Variants in MERTK observed in about 807,000 individuals in gnomAD.
The protein encoded by MERTK is tyrosine-protein kinase Mer.
A neutral mutation model predicts 99.3 loss-of-function variants in MERTK; 69 were observed. The observed-to-expected ratio is 0.70, with a 90% CI of 0.57 to 0.85. The LOEUF (loss-of-function observed/expected upper bound fraction) is 0.85. MERTK is among the 40% of genes least tolerant of loss of function. MERTK has a pLI of 0.00. For synonymous variants in MERTK, 426 were observed against 467.6 expected (o/e 0.91, Z 1.15); for missense variants, 1,125 against 1,249.4 (o/e 0.90, Z 1.50).
At chr2:111,901,656 A>G (rs1038603386) in intron 1 of MERTK, among the ~76,000 whole-genome samples, 4 of 150,794 alleles carry the variant, frequency 2.7e-5, no homozygotes, top group Non-Finnish European at 5.9e-5. Context: ...TCCGGGCTCA[A>G]GTGATCCTCC....
intron 1 of MERTK, among the ~76,000 whole-genome samples, chr2:111,914,569 A>C (rs1407090699): frequency 6.6e-6 from 1 of 152,158 alleles, no homozygotes; most frequent in African/African-American, 2.4e-5. Context: ...ATGAGCCACC[A>C]TGTCTGGCTT....
At position 111,925,292 on chromosome 2, in the gene MERTK, A is replaced by ATTTTTTTT. The variant is rs11433691; in HGVS notation, c.62-3809_62-3802dup. ...ACAGATCAGATATATATATATATAT[A>ATTTTTTTT]TTTTTTTTTTTTTTTTTTTTTTTTT... On this transcript the variant is annotated intron_variant, in intron 1 of 18. Transcript: ENST00000295408. Among the ~76,000 whole-genome samples the ATTTTTTTT allele has an allele frequency of 2.0e-3, 48 of 24,500 alleles. 6 individuals carry two copies. Among genetic ancestry groups the ATTTTTTTT allele is most frequent in the Non-Finnish European group, 3.1e-3 (42 of 13,734 alleles). 16.1% of individuals were successfully genotyped at this position (24,500 alleles called of 152,430 possible). A position where few individuals can be genotyped will look rare whatever the true frequency, so the allele number is the denominator to read the frequency against.
At chr2:111,965,100 G>A in intron 4 of MERTK, 91 bp from the exon 5 acceptor site, 1 of 1,270,562 alleles carries the variant, frequency 7.9e-7, no homozygotes, top group Non-Finnish European at 1.1e-6. Flanking sequence ...CATGAACCAA[G>A]AAATAAAATA....
In MERTK at chr2:112,009,948, G is replaced by A; in HGVS notation, c.1961G>A (p.Gly654Asp). The A allele has an allele frequency of 1.2e-6, 2 of 1,600,244 alleles. No individual in the cohort carries two copies. The highest frequency in any genetic ancestry group is 1.7e-4 in the Middle Eastern group (1 of 6,038). The change falls in exon 15 of 19, where the codon GGT (glycine) becomes GAT (aspartate). Residue 654 changes from glycine (G) to aspartate (D), a missense_variant and splice_region_variant. Coordinates refer to ENST00000295408, the MANE Select transcript of MERTK (RefSeq NM_006343.3). The part of the protein sequence containing the change: ...FSHPNVIRLL[G>D]VCIEMSSQGI... The stretch of plus-strand genomic sequence containing the variant: ...ATTGATGCTGTGTTTGTAATTTCAG[G>A]TGTGTGTATAGAAATGAGCTCTCAA...
intron 1 of MERTK, among the ~76,000 whole-genome samples, chr2:111,902,330 T>G (rs529139142): frequency 6.6e-6 from 1 of 152,350 alleles, no homozygotes; most frequent in Non-Finnish European, 1.5e-5. Flanking sequence ...GTAGAAAAAC[T>G]GAGCTGGGAC....
intron 4 of MERTK, among the ~76,000 whole-genome samples, chr2:111,958,269 A>C (rs1685185576): frequency 6.6e-6 from 1 of 152,094 alleles, no homozygotes; most frequent in South Asian, 2.1e-4. Flanking sequence ...TGTAAATGTC[A>C]AGGTCTATTC....
intron 4 of MERTK, among the ~76,000 whole-genome samples, chr2:111,948,928 C>G (rs1394862166): frequency 6.6e-6 from 1 of 151,996 alleles, no homozygotes; most frequent in African/African-American, 2.4e-5. Context: ...TGTCCTAGCT[C>G]CTTCCTATCT....
At chr2:111,922,958 G>A (rs957391193) in intron 1 of MERTK, among the ~76,000 whole-genome samples, 1 of 152,186 alleles carries the variant, frequency 6.6e-6, no homozygotes, top group Non-Finnish European at 1.5e-5. Context: ...GAGTCTAAGA[G>A]ACTATTCACA....
chr2:111,961,285 C>T (rs1048396569), intron 4 of MERTK, among the ~76,000 whole-genome samples: 2 of 150,744 alleles, frequency 1.3e-5, no homozygotes, highest in Admixed American at 6.6e-5. Flanking sequence ...CTCAGCTTCC[C>T]GAGTAGCTGG....
chr2:111,988,034 G>T (rs1676524578), intron 8 of MERTK, among the ~76,000 whole-genome samples: 2 of 148,506 alleles, frequency 1.3e-5, no homozygotes, highest in Admixed American at 6.8e-5. Context: ...CTGTCATTCA[G>T]GCTGGAATGC....
At chr2:111,985,940 G>A (rs1052444802) in intron 8 of MERTK, among the ~76,000 whole-genome samples, 3 of 152,134 alleles carry the variant, frequency 2.0e-5, no homozygotes, top group Non-Finnish European at 4.4e-5. Context: ...AGGGTGAATG[G>A]GTGAGCAGAT....
In MERTK at chr2:111,929,417, C is replaced by T; in HGVS notation, c.359C>T (p.Pro120Leu). 6.2e-7 allele frequency: 1 copy of T among 1,614,026 alleles called. No individual in the cohort carries two copies. The highest frequency in any genetic ancestry group is 8.5e-7 in the Non-Finnish European group (1 of 1,179,978). Residue 120 changes from proline (P) to leucine (L), a missense_variant, in exon 2 of 19, where the codon CCT becomes CTT. Coordinates refer to ENST00000295408, the MANE Select transcript of MERTK (RefSeq NM_006343.3). ...AAATTTAATTGCTCAATCAGTGTAC[C>T]TAATATATACCAGGACACCACAATT... The part of the protein sequence containing the change: ...GVKFNCSISV[P>L]NIYQDTTISW...
Position 112,028,878 on chromosome 2 carries a change from G to C in MERTK, c.*14G>C, listed in dbSNP as rs775891300. The C allele has an allele frequency of 3.1e-6, 5 of 1,613,362 alleles. No homozygotes were observed. The South Asian group carries it at 5.5e-5, about 18-fold the overall frequency. ...GTCCTGATGTGAGGAGAGGTGCGGG[G>C]AGACATTCCAAAAATCAAGCCAATT... is the stretch of plus-strand genomic sequence containing the variant. On this transcript the variant is annotated 3_prime_UTR_variant, in exon 19 of 19. Coordinates refer to ENST00000295408, the MANE Select transcript of MERTK (RefSeq NM_006343.3).
At chr2:111,998,228 A>G (rs544087534) in intron 10 of MERTK, among the ~76,000 whole-genome samples, 2 of 152,350 alleles carry the variant, frequency 1.3e-5, no homozygotes, top group Non-Finnish European at 2.9e-5. Context: ...TACAATTGTT[A>G]TACCTTAGTA....
At chr2:111,944,815 A>G (rs1684935335) in intron 2 of MERTK, 145 bp from the exon 3 acceptor site, 2 of 712,320 alleles carry the variant, frequency 2.8e-6, no homozygotes, top group Non-Finnish European at 4.9e-6. Flanking sequence ...GGTTTGACCA[A>G]ACAACTGCGT....
At chr2:111,989,597 C>T (rs1239565742) in intron 8 of MERTK, among the ~76,000 whole-genome samples, 1 of 152,124 alleles carries the variant, frequency 6.6e-6, no homozygotes, top group Non-Finnish European at 1.5e-5. Context: ...CCTCGTGATC[C>T]ACCCGCCTCG....
chr2:111,978,090 G>A (rs1676290024), intron 7 of MERTK, among the ~76,000 whole-genome samples: 1 of 150,224 alleles, frequency 6.7e-6, no homozygotes, highest in African/African-American at 2.5e-5. Flanking sequence ...TACTACAGGT[G>A]CATGCCACCA....
rs1384330473 is a variant in MERTK, at chr2:111,982,924, G to C, written c.1227G>C (p.Pro409=). Residue 409 remains proline, a synonymous_variant, in exon 8 of 19, where the codon CCG becomes CCC. Coordinates refer to ENST00000295408, the MANE Select transcript of MERTK (RefSeq NM_006343.3). ...TGGACATCAGATGGATGAAGCCTCC[G>C]ACTAAGCAGCAGGATGGAGAACTGG... ...DNVDIRWMKP[P]TKQQDGELVG... is the part of the protein sequence containing the mutation. 6.2e-7 allele frequency: 1 copy of C among 1,614,008 alleles called. No individual in the cohort carries two copies. The highest frequency in any genetic ancestry group is 8.5e-7 in the Non-Finnish European group (1 of 1,180,048).
intron 7 of MERTK, among the ~76,000 whole-genome samples, chr2:111,981,932 G>C (rs1573618116): frequency 6.6e-6 from 1 of 152,180 alleles, no homozygotes; most frequent in Middle Eastern, 3.4e-3. Flanking sequence ...TGCCCCACAG[G>C]TTTATGCTGG....
Sources: gnomAD v4.1 joint callset for allele counts (sites outside exome capture counted in the v4.1 genomes callset) on GRCh38, gnomAD v4.1.1 for gene constraint, MANE v1.5 for transcripts, NCBI Gene and HGNC (gene_info 2026-07-23, HGNC 2026-07-21) for gene names.